The following STIP1 variants were observed in gnomAD, a reference collection of about 807,000 sequenced individuals.
STIP1 encodes stress induced phosphoprotein 1.
A neutral mutation model predicts 77.4 loss-of-function variants in STIP1; 16 were observed. The ratio of observed to expected loss-of-function variants is 0.21; its 90% CI spans 0.14 to 0.31. The LOEUF (loss-of-function observed/expected upper bound fraction) is 0.31, where lower values mean the gene tolerates loss of function less well. Ranked by LOEUF, STIP1 falls within the 10% of genes least tolerant of loss-of-function variation. The pLI, the probability that STIP1 is intolerant of heterozygous loss-of-function variation, is 1.00. For missense variants in STIP1, 524 were observed against 684.8 expected (o/e 0.77, Z 2.62); for synonymous variants, 258 against 246.6 (o/e 1.05, Z -0.44).
intron 8 of STIP1, among the ~76,000 whole-genome samples, chr11:64,198,878 T>G (rs1209103441): frequency 2.6e-5 from 4 of 152,174 alleles, no homozygotes; most frequent in Middle Eastern, 6.8e-3. Flanking sequence ...TTGACTATTT[T>G]ATAAAGACTG....
intron 1 of STIP1, among the ~76,000 whole-genome samples, chr11:64,189,400 G>A (rs944437697): frequency 5.3e-5 from 8 of 152,022 alleles, no homozygotes; most frequent in African/African-American, 1.2e-4. Context: ...TGTGGTGCGC[G>A]CCTGTGGTCC....
intron 1 of STIP1, among the ~76,000 whole-genome samples, chr11:64,189,367 A>AAAAT (rs1440789190): frequency 6.6e-6 from 1 of 151,962 alleles, no homozygotes; most frequent in Non-Finnish European, 1.5e-5. Context: ...TCAAAAAAAA[A>AAAAT]AAATAAATAA....
chr11:64,194,380 G>T, intron 3 of STIP1, 50 bp downstream of exon 3: 1 of 1,610,906 alleles, frequency 6.2e-7, no homozygotes, highest in Non-Finnish European at 8.5e-7. Flanking sequence ...GATTAATTTT[G>T]AGTCTTCACC....
chr11:64,193,985 G>A (rs1482243818), intron 2 of STIP1, among the ~76,000 whole-genome samples: 5 of 152,210 alleles, frequency 3.3e-5, no homozygotes, highest in East Asian at 1.9e-4. Flanking sequence ...TGAACAAGGC[G>A]GGGCGGATGT....
intron 1 of STIP1, among the ~76,000 whole-genome samples, chr11:64,192,051 A>G (rs896514184): frequency 3.3e-5 from 5 of 151,840 alleles, no homozygotes; most frequent in African/African-American, 1.2e-4. Flanking sequence ...GGTGGCTCAC[A>G]CCTGTAATCC....
At position 64,194,166 on chromosome 11, in the gene STIP1, GTGTC is replaced by G. The variant is rs775462384; in HGVS notation, c.220-17_220-14del. On this transcript the variant is annotated intron_variant, in intron 2 of 13. Transcript: ENST00000305218. Reference sequence around the variant, plus strand: ...TTTACCTCTGGGTGTTCTCTATTTTGTGTCTGTCTTTGGTGGTTTAAGGGCTATT... The same window carrying G: ...TTTACCTCTGGGTGTTCTCTATTTTGTGTCTTTGGTGGTTTAAGGGCTATT... The G allele has an allele frequency of 6.3e-7, 1 of 1,599,444 alleles. No individual in the cohort carries two copies. The highest frequency in any genetic ancestry group is 8.5e-7 in the Non-Finnish European group (1 of 1,175,242).
intron 1 of STIP1, among the ~76,000 whole-genome samples, chr11:64,187,179 T>G (rs560091336): frequency 6.6e-6 from 1 of 152,174 alleles, no homozygotes; most frequent in African/African-American, 2.4e-5. Flanking sequence ...TTTCAGTGAC[T>G]TGGTTATGTC....
At chr11:64,186,380 C>A in intron 1 of STIP1, 110 bp downstream of exon 1, 2 of 478,756 alleles carry the variant, frequency 4.2e-6, no homozygotes, top group Non-Finnish European at 5.9e-6. Flanking sequence ...CGGAGCTCGG[C>A]GCTGGGGCCG....
chr11:64,192,981 T>C, intron 1 of STIP1, 97 bp from the exon 2 acceptor site: 1 of 1,149,874 alleles, frequency 8.7e-7, no homozygotes, highest in Non-Finnish European at 1.3e-6. Context: ...GTCACCTATT[T>C]ATTTGTTGGT....
intron 4 of STIP1, among the ~76,000 whole-genome samples, chr11:64,195,368 G>A (rs1170662390): frequency 6.6e-6 from 1 of 152,048 alleles, no homozygotes; most frequent in African/African-American, 2.4e-5. Flanking sequence ...TGCCCGCCTC[G>A]GCCTCCCAAA....
intron 5 of STIP1, chr11:64,197,067 T>A: frequency 1.5e-6 from 1 of 651,334 alleles, no homozygotes; most frequent in Non-Finnish European, 2.6e-6. Context: ...AAGGGGGAGT[T>A]TCAGAGCAAG....
At chr11:64,198,942 G>A (rs577455000) in intron 8 of STIP1, among the ~76,000 whole-genome samples, 1 of 151,892 alleles carries the variant, frequency 6.6e-6, no homozygotes, top group Admixed American at 6.6e-5. Flanking sequence ...GCTCACGCCT[G>A]TAATCCCAGC....
intron 1 of STIP1, among the ~76,000 whole-genome samples, chr11:64,191,317 A>C (rs1201310286): frequency 6.6e-6 from 1 of 151,532 alleles, no homozygotes; most frequent in Non-Finnish European, 1.5e-5. Flanking sequence ...TTTAAAAAAA[A>C]ATAAATATGG....
At chr11:64,197,667 T>C in intron 7 of STIP1, 72 bp downstream of exon 7, 1 of 1,586,044 alleles carries the variant, frequency 6.3e-7, no homozygotes. Context: ...TTTCTCTGCA[T>C]GGGGAGGAGG....
chr11:64,188,368 A>G (rs1946052082), intron 1 of STIP1, among the ~76,000 whole-genome samples: 1 of 151,518 alleles, frequency 6.6e-6, no homozygotes, highest in Non-Finnish European at 1.5e-5. Flanking sequence ...AAGAAAAGAA[A>G]CGATTTCTGT....
Position 64,204,094 on chromosome 11 carries a change from C to T in STIP1, c.1600C>T (p.Leu534=), listed in dbSNP as rs1339191636. Residue 534 remains leucine, a synonymous_variant, in exon 14 of 14, where the codon CTG becomes TTG. Coordinates refer to ENST00000305218, the MANE Select transcript of STIP1 (RefSeq NM_006819.3). ...TGTAATAGCACAGAAGATCCAGAAG[C>T]TGATGGATGTGGGTCTGATTGCAAT... ...NPVIAQKIQK[L]MDVGLIAIR 2 of 1,614,236 alleles carry T rather than the reference C, an allele frequency of 1.2e-6. No individual in the cohort carries two copies. The highest frequency in any genetic ancestry group is 3.3e-5 in the Admixed American group (2 of 60,020).
intron 1 of STIP1, among the ~76,000 whole-genome samples, chr11:64,187,422 C>T (rs954205968): frequency 6.6e-6 from 1 of 152,026 alleles, no homozygotes; most frequent in Non-Finnish European, 1.5e-5. Context: ...ACTTCAGGGC[C>T]ATAAAACTAA....
chr11:64,201,603 A>G (rs935220347), intron 10 of STIP1, among the ~76,000 whole-genome samples: 4 of 152,174 alleles, frequency 2.6e-5, no homozygotes, highest in African/African-American at 9.7e-5. Flanking sequence ...ACCTGTCTAG[A>G]AACAGCCATA....
At chr11:64,202,456 C>T (rs1287009357) in intron 10 of STIP1, 2 of 149,438 alleles carry the variant, frequency 1.3e-5, no homozygotes, top group East Asian at 3.9e-4. Flanking sequence ...CCATGTTGGC[C>T]AGGCTGGTGT....
Sources: gnomAD v4.1 joint callset for allele counts (sites outside exome capture counted in the v4.1 genomes callset) on GRCh38, gnomAD v4.1.1 for gene constraint, MANE v1.5 for transcripts, NCBI Gene and HGNC (gene_info 2026-07-23, HGNC 2026-07-21) for gene names.